The following HIPK2 variants were observed in gnomAD, a reference collection of about 807,000 sequenced individuals.
HIPK2 encodes homeodomain-interacting protein kinase 2.
A neutral mutation model predicts 113.7 loss-of-function variants in HIPK2; 27 were observed. That is an observed-to-expected ratio of 0.24 (90% CI 0.17 to 0.33). The LOEUF is 0.33. Ranked by LOEUF, HIPK2 falls within the 10% of genes least tolerant of loss-of-function variation. HIPK2 has a pLI of 1.00. For missense variants in HIPK2, 1,257 were observed against 1,588.0 expected (o/e 0.79, Z 3.54); for synonymous variants, 631 against 642.2 (o/e 0.98, Z 0.26).
At chr7:139,674,341 C>CT (rs1802416993) in intron 2 of HIPK2, among the ~76,000 whole-genome samples, 1 of 151,954 alleles carries the variant, frequency 6.6e-6, no homozygotes, top group South Asian at 2.1e-4. Context: ...TTATTCCACA[C>CT]ATAAAGCAAT....
intron 1 of HIPK2, among the ~76,000 whole-genome samples, chr7:139,731,392 A>C (rs1000216814): frequency 7.9e-5 from 12 of 152,196 alleles, no homozygotes; most frequent in African/African-American, 2.9e-4. Context: ...TTTGACTTCA[A>C]AACAACAAAA....
intron 1 of HIPK2, among the ~76,000 whole-genome samples, chr7:139,764,693 A>G (rs1010211324): frequency 5.3e-5 from 8 of 152,222 alleles, no homozygotes; most frequent in Non-Finnish European, 8.8e-5. Context: ...CCTAACAGAT[A>G]GAGGGAGCAT....
At chr7:139,750,927 GTTA>G (rs1796268468) in intron 1 of HIPK2, among the ~76,000 whole-genome samples, 1 of 152,184 alleles carries the variant, frequency 6.6e-6, no homozygotes, top group Non-Finnish European at 1.5e-5. Context: ...TCTCTTTGAT[GTTA>G]TGAAGCTCAG....
At chr7:139,702,740 C>A (rs1794748095) in intron 2 of HIPK2, among the ~76,000 whole-genome samples, 3 of 152,038 alleles carry the variant, frequency 2.0e-5, no homozygotes, top group African/African-American at 7.3e-5. Context: ...CACAGAGGAC[C>A]CCTGGGCACA....
intron 2 of HIPK2, among the ~76,000 whole-genome samples, chr7:139,676,606 T>C (rs1802503153): frequency 6.6e-6 from 1 of 152,186 alleles, no homozygotes; most frequent in African/African-American, 2.4e-5. Context: ...ATCTGTTTAT[T>C]TGGTTCAACA....
At chr7:139,713,380 G>T (rs59195210) in intron 2 of HIPK2, among the ~76,000 whole-genome samples, 1,666 of 152,224 alleles carry the variant, frequency 0.011, 24 homozygotes, top group African/African-American at 0.039. Flanking sequence ...TTTGCGACCT[G>T]TCTCCTCAGC....
At position 139,572,804 on chromosome 7, in the gene HIPK2, T is replaced by G; in HGVS notation, c.*123A>C. ...CCCGCCCCTGCCCCGTTTGCATTGT[T>G]TGTGTGCGGCATCTTCAGTATAAAA... On this transcript the variant is annotated 3_prime_UTR_variant, in exon 15 of 15. Transcript: ENST00000406875. 4.6e-6 allele frequency: 1 copy of G among 218,594 alleles called. No homozygotes were observed. The highest frequency in any genetic ancestry group is 8.3e-6 in the Non-Finnish European group (1 of 120,978). 13.5% of individuals were successfully genotyped at this position (218,594 alleles called of 1,614,324 possible). A position where few individuals can be genotyped will look rare whatever the true frequency, so the allele number is the denominator to read the frequency against.
chr7:139,609,874 C>CA (rs2116755215), intron 9 of HIPK2, among the ~76,000 whole-genome samples: 1 of 152,316 alleles, frequency 6.6e-6, no homozygotes, highest in Non-Finnish European at 1.5e-5. Context: ...AAAGGTCTAC[C>CA]ATGTTCTTTT....
chr7:139,652,534 T>G (rs1801500236), intron 2 of HIPK2, among the ~76,000 whole-genome samples: 2 of 152,132 alleles, frequency 1.3e-5, no homozygotes, highest in South Asian at 4.1e-4. Flanking sequence ...CAGACAGAAA[T>G]CATGAATGTC....
At chr7:139,591,560 G>C (rs1799026309) in intron 12 of HIPK2, among the ~76,000 whole-genome samples, 1 of 152,162 alleles carries the variant, frequency 6.6e-6, no homozygotes, top group African/African-American at 2.4e-5. Context: ...TTTGTAATGT[G>C]ACAGCAGCTG....
chr7:139,689,640 G>T (rs538046400), intron 2 of HIPK2, among the ~76,000 whole-genome samples: 1 of 152,130 alleles, frequency 6.6e-6, no homozygotes, highest in South Asian at 2.1e-4. Context: ...GCCCAGCCTG[G>T]AACTTTCCTA....
At chr7:139,611,838 G>A (rs993433140) in intron 9 of HIPK2, among the ~76,000 whole-genome samples, 25 of 152,124 alleles carry the variant, frequency 1.6e-4, no homozygotes, top group African/African-American at 5.8e-4. Context: ...GACTACAGGT[G>A]TGCACCACCA....
chr7:139,709,505 T>C (rs926536098), intron 2 of HIPK2, among the ~76,000 whole-genome samples: 1 of 152,238 alleles, frequency 6.6e-6, no homozygotes, highest in Non-Finnish European at 1.5e-5. Flanking sequence ...TATGCTCTGT[T>C]CTCTGTTGAT....
intron 2 of HIPK2, among the ~76,000 whole-genome samples, chr7:139,640,446 G>C (rs952997663): frequency 6.6e-6 from 1 of 152,158 alleles, no homozygotes; most frequent in Non-Finnish European, 1.5e-5. Context: ...AGTGTTCACC[G>C]GGTTGAATCC....
At chr7:139,669,716 TCA>T (rs148960788) in intron 2 of HIPK2, among the ~76,000 whole-genome samples, 2,547 of 152,198 alleles carry the variant, frequency 0.017, 71 homozygotes, top group African/African-American at 0.058. Flanking sequence ...GTCAGATACT[TCA>T]CACACACACA....
At chr7:139,680,803 C>T (rs917419970) in intron 2 of HIPK2, among the ~76,000 whole-genome samples, 6 of 152,134 alleles carry the variant, frequency 3.9e-5, no homozygotes, top group African/African-American at 1.4e-4. Flanking sequence ...TGGGAACAGG[C>T]TCTGAGAGAC....
chr7:139,752,404 T>A (rs1375988838), intron 1 of HIPK2, among the ~76,000 whole-genome samples: 2 of 152,186 alleles, frequency 1.3e-5, no homozygotes, highest in African/African-American at 4.8e-5. Context: ...ATGCCCTCTG[T>A]CCGGCCGTGC....
chr7:139,579,481 T>A (rs768761537), intron 13 of HIPK2, among the ~76,000 whole-genome samples: 3 of 152,302 alleles, frequency 2.0e-5, no homozygotes, highest in African/African-American at 7.2e-5. Flanking sequence ...AGGCCCTTGA[T>A]TGAATTCGGT....
At chr7:139,624,157 G>T (rs1800340821) in intron 6 of HIPK2, among the ~76,000 whole-genome samples, 1 of 152,056 alleles carries the variant, frequency 6.6e-6, no homozygotes, top group Non-Finnish European at 1.5e-5. Context: ...CAAGTAGCTG[G>T]GATTACAGAA....
Sources: allele counts gnomAD v4.1 joint callset (sites outside exome capture counted in the v4.1 genomes callset), GRCh38; gene constraint gnomAD v4.1.1; transcripts MANE v1.5; gene names NCBI Gene and HGNC (gene_info 2026-07-23, HGNC 2026-07-21).